RANBP2: variants seen among roughly 807,000 people sequenced by gnomAD.
The protein encoded by RANBP2 is E3 SUMO-protein ligase RanBP2.
A neutral mutation model predicts 303.6 loss-of-function variants in RANBP2; 57 were observed. The ratio of observed to expected loss-of-function variants is 0.19; its 90% confidence interval spans 0.15 to 0.23. The LOEUF (loss-of-function observed/expected upper bound fraction) is 0.23, where lower values mean the gene tolerates loss of function less well. Among genes scored for constraint, RANBP2 ranks in the 10% least tolerant of loss-of-function variants. RANBP2 has a pLI of 1.00. For missense variants in RANBP2, 3,138 were observed against 3,780.8 expected (o/e 0.83, Z 4.46); for synonymous variants, 1,167 against 1,301.5 (o/e 0.90, Z 2.23).
intron 24 of RANBP2, among the ~76,000 whole-genome samples, chr2:108,776,701 C>T (rs1033023780): frequency 2.6e-5 from 4 of 152,092 alleles, no homozygotes; most frequent in East Asian, 1.9e-4. Context: ...GTCCTTATGA[C>T]GAAGTGTAAA....
At chr2:109,330,129 CACT>C in the RANBP2 span, among the ~76,000 whole-genome samples, 1 of 152,186 alleles carries the variant, frequency 6.6e-6, no homozygotes, top group Non-Finnish European at 1.5e-5. Context: ...CCTTTGCTCC[CACT>C]CTGGGGCAGC....
downstream of RANBP2, chr2:108,788,021 T>C (rs1286142362): frequency 6.6e-7 from 1 of 1,520,998 alleles, no homozygotes; most frequent in Non-Finnish European, 8.9e-7. Context: ...ATCTTTTCTT[T>C]TTTTTTTTAG....
chr2:109,583,099 T>C, the RANBP2 span, among the ~76,000 whole-genome samples: 2 of 152,206 alleles, frequency 1.3e-5, no homozygotes, highest in Non-Finnish European at 2.9e-5. Flanking sequence ...GAAAGCACCA[T>C]GCTGCACATT....
the RANBP2 span, among the ~76,000 whole-genome samples, chr2:109,720,714 C>A: frequency 6.6e-5 from 10 of 152,334 alleles, no homozygotes; most frequent in East Asian, 5.8e-4. Context: ...TTCATCCAAT[C>A]TCCTTAGTTT....
the RANBP2 span, among the ~76,000 whole-genome samples, chr2:109,492,895 A>C: frequency 6.6e-6 from 1 of 152,060 alleles, no homozygotes; most frequent in Non-Finnish European, 1.5e-5. Flanking sequence ...CAGCACTGCC[A>C]TGCCAGTCCC....
the RANBP2 span, among the ~76,000 whole-genome samples, chr2:109,142,010 G>T: frequency 6.6e-6 from 1 of 150,998 alleles, no homozygotes; most frequent in Non-Finnish European, 1.5e-5. Context: ...CCAGCCCCCT[G>T]CCCAAGTCCT....
the RANBP2 span, among the ~76,000 whole-genome samples, chr2:108,962,623 C>A: frequency 1.4e-4 from 20 of 146,756 alleles, no homozygotes; most frequent in Admixed American, 1.0e-3. Context: ...TGCAGAGAGC[C>A]GAGATCGCTC....
chr2:108,732,194 T>C (rs1160959407), intron 4 of RANBP2, among the ~76,000 whole-genome samples: 5 of 152,318 alleles, frequency 3.3e-5, no homozygotes, highest in Admixed American at 2.0e-4. Context: ...CTGATAGGAA[T>C]TTAAAAAATT....
chr2:109,138,669 C>T, the RANBP2 span, among the ~76,000 whole-genome samples: 1 of 152,234 alleles, frequency 6.6e-6, no homozygotes, highest in East Asian at 1.9e-4. Context: ...TGGGTCTGCA[C>T]ACCCTGCCTG....
At chr2:109,744,675 C>G in the RANBP2 span, among the ~76,000 whole-genome samples, 3 of 86,898 alleles carry the variant, frequency 3.5e-5, 1 homozygote, top group African/African-American at 9.1e-5. Flanking sequence ...AAAAGATGCT[C>G]AACATCATAT....
chr2:109,466,404 C>T, the RANBP2 span, among the ~76,000 whole-genome samples: 3 of 152,058 alleles, frequency 2.0e-5, no homozygotes, highest in Admixed American at 1.3e-4. Flanking sequence ...AATGAGATGT[C>T]TGTTTAGATC....
the RANBP2 span, among the ~76,000 whole-genome samples, chr2:109,425,549 A>C: frequency 6.6e-6 from 1 of 152,338 alleles, no homozygotes; most frequent in East Asian, 1.9e-4. Flanking sequence ...TTCATTTGCC[A>C]TTCCGAGAAC....
At chr2:108,906,760 C>T in the RANBP2 span, among the ~76,000 whole-genome samples, 9 of 152,210 alleles carry the variant, frequency 5.9e-5, no homozygotes, top group Admixed American at 1.3e-4. Context: ...ACCAGGCCCA[C>T]GGTGCACAGC....
At chr2:108,834,230 T>C in the RANBP2 span, among the ~76,000 whole-genome samples, 5 of 150,768 alleles carry the variant, frequency 3.3e-5, no homozygotes, top group Admixed American at 3.3e-4. Flanking sequence ...TTTTTTTTTT[T>C]GAGACAGAGT....
the RANBP2 span, chr2:108,897,302 TAAATG>T: frequency 7.3e-7 from 1 of 1,368,110 alleles, no homozygotes; most frequent in Non-Finnish European, 1.0e-6. Flanking sequence ...AAAAATTATT[TAAATG>T]AAATAAAAAT....
chr2:109,668,599 T>C, the RANBP2 span, among the ~76,000 whole-genome samples: 1 of 152,250 alleles, frequency 6.6e-6, no homozygotes, highest in Non-Finnish European at 1.5e-5. Context: ...GAAATGAAGA[T>C]GGAATGGATG....
the RANBP2 span, among the ~76,000 whole-genome samples, chr2:109,450,738 C>T: frequency 6.6e-6 from 1 of 152,214 alleles, no homozygotes; most frequent in Non-Finnish European, 1.5e-5. Context: ...GGCCCATGCA[C>T]TGCCTGAGGC....
the RANBP2 span, among the ~76,000 whole-genome samples, chr2:108,828,052 G>A: frequency 1.1e-4 from 17 of 151,970 alleles, no homozygotes; most frequent in East Asian, 2.1e-3. Context: ...GATAAAGGTA[G>A]CATGTTAAAT....
chr2:108,939,809 A>G, the RANBP2 span, among the ~76,000 whole-genome samples: 1 of 152,144 alleles, frequency 6.6e-6, no homozygotes, highest in African/African-American at 2.4e-5. Flanking sequence ...GCTCAGAGAT[A>G]TTTGGAAAGC....
Sources: allele counts gnomAD v4.1 joint callset (sites outside exome capture counted in the v4.1 genomes callset), GRCh38; gene constraint gnomAD v4.1.1; transcripts MANE v1.5; gene names NCBI Gene and HGNC (gene_info 2026-07-23, HGNC 2026-07-21).